Variants in PLA2G4A observed in about 807,000 individuals in gnomAD.
PLA2G4A encodes phospholipase A2 group IVA, also known as cytosolic phospholipase A2.
Under a neutral mutation model 81.9 loss-of-function variants are expected in PLA2G4A, and 40 were observed. The observed-to-expected ratio is 0.49, with a 90% CI of 0.38 to 0.64. PLA2G4A has a LOEUF of 0.64. PLA2G4A is among the 30% of genes least tolerant of loss of function. PLA2G4A has a pLI of 0.00. For synonymous variants in PLA2G4A, 302 were observed against 296.9 expected, an observed-to-expected ratio of 1.02 and a Z score of -0.18; for missense variants, 715 against 905.1, an observed-to-expected ratio of 0.79 and a Z score of 2.69.
intron 14 of PLA2G4A, among the ~76,000 whole-genome samples, chr1:186,964,514 A>T (rs1657066739): frequency 6.6e-6 from 1 of 151,790 alleles, no homozygotes; most frequent in African/African-American, 2.4e-5. Context: ...CCCTTGCTCT[A>T]GCTCCTCCCT....
At chr1:186,979,943 C>CTTTTTTTTTTTTT (rs34029312) in intron 17 of PLA2G4A, among the ~76,000 whole-genome samples, 1 of 98,794 alleles carries the variant, frequency 1.0e-5, no homozygotes, top group African/African-American at 3.5e-5. Context: ...ACAGCATTTC[C>CTTTTTTTTTTTTT]TTTTTTTTTT....
intron 1 of PLA2G4A, among the ~76,000 whole-genome samples, chr1:186,829,673 T>C (rs911241248): frequency 2.0e-5 from 3 of 152,140 alleles, no homozygotes; most frequent in African/African-American, 7.2e-5. Flanking sequence ...AAAGATTTGA[T>C]CAAATTACAT....
intron 2 of PLA2G4A, among the ~76,000 whole-genome samples, chr1:186,868,223 C>T (rs959085957): frequency 6.6e-6 from 1 of 151,710 alleles, no homozygotes; most frequent in African/African-American, 2.4e-5. Context: ...TACAGGCACA[C>T]ACCACCATGC....
chr1:186,875,860 T>A (rs1473412616), intron 3 of PLA2G4A, among the ~76,000 whole-genome samples: 4 of 152,120 alleles, frequency 2.6e-5, no homozygotes, highest in African/African-American at 4.8e-5. Flanking sequence ...GAAGTTTAGG[T>A]AAATCCTTGC....
At chr1:186,970,389 G>A (rs1353862851) in intron 15 of PLA2G4A, among the ~76,000 whole-genome samples, 1 of 151,920 alleles carries the variant, frequency 6.6e-6, no homozygotes, top group East Asian at 1.9e-4. Flanking sequence ...TTCTTTTGCT[G>A]TGCAGAAGCT....
At chr1:186,839,477 T>C (rs1251860415) in intron 1 of PLA2G4A, among the ~76,000 whole-genome samples, 1 of 152,210 alleles carries the variant, frequency 6.6e-6, no homozygotes, top group Admixed American at 6.5e-5. Flanking sequence ...GAGTATAACA[T>C]TGTTTTTGTT....
intron 12 of PLA2G4A, among the ~76,000 whole-genome samples, chr1:186,949,227 T>G (rs1656446459): frequency 6.7e-6 from 1 of 149,112 alleles, no homozygotes; most frequent in South Asian, 2.1e-4. Context: ...ACTATTTTCT[T>G]AAACTATCAT....
Position 186,887,405 on chromosome 1 carries a change from G to A in PLA2G4A, c.116-5606G>A, listed in dbSNP as rs193141712. Among the ~76,000 whole-genome samples, 158 of 152,208 alleles carry A rather than the reference G, an allele frequency of 1.0e-3. 2 individuals are homozygous for A. The highest frequency in any genetic ancestry group is 3.4e-3 in the African/African-American group (143 of 41,540). On this transcript the variant is annotated intron_variant, in intron 3 of 17. Transcript: ENST00000367466. ...GGGTCTGTTATGACTTCAGGCAGGC[G>A]CTCCTTAAACTCCTGAAGTTTAGTA...
Position 186,869,098 on chromosome 1 carries a change from G to A in PLA2G4A, c.34-1337G>A, listed in dbSNP as rs1243858780. Among the ~76,000 whole-genome samples the A allele has an allele frequency of 4.6e-5, 7 of 151,348 alleles. No individual in the cohort carries two copies. In the East Asian group the frequency reaches 1.4e-3, roughly 29 times the overall value. ...GATTTAATTTGCTCTTTTTTTTCCA[G>A]TACCCTAAGGTGGTAACTTAGATTA... On this transcript the variant is annotated intron_variant, in intron 2 of 17. Transcript: ENST00000367466.
chr1:186,942,563 T>A (rs1656190612), intron 10 of PLA2G4A, among the ~76,000 whole-genome samples: 1 of 152,118 alleles, frequency 6.6e-6, no homozygotes, highest in African/African-American at 2.4e-5. Context: ...GACTGAAAAC[T>A]ATAAAGAGGC....
At position 186,942,699 on chromosome 1, in the gene PLA2G4A, A is replaced by G. The variant is rs139205855; in HGVS notation, c.1033+2605A>G. Among the ~76,000 whole-genome samples the G allele has an allele frequency of 6.6e-4, 101 of 152,342 alleles. 2 individuals are homozygous for G. Among genetic ancestry groups the G allele is most frequent in the African/African-American group, 2.3e-3 (94 of 41,592 alleles). On this transcript the variant is annotated intron_variant, in intron 10 of 17. Coordinates refer to ENST00000367466, the MANE Select transcript of PLA2G4A (RefSeq NM_024420.3). ...AAAACTTAACTAAAATAATTAAAGA[A>G]TAAATAATATTTGGGTGAGTGGATA... is the stretch of plus-strand genomic sequence containing the variant.
chr1:186,857,055 T>TTGCTGGATGATCTG (rs1367654873), intron 2 of PLA2G4A, among the ~76,000 whole-genome samples: 8 of 49,578 alleles, frequency 1.6e-4, no homozygotes, highest in Admixed American at 3.4e-4. Context: ...CACATGTGTC[T>TTGCTGGATGATCTG]GCCATGCAGC....
intron 7 of PLA2G4A, among the ~76,000 whole-genome samples, chr1:186,924,984 G>C (rs1450628434): frequency 6.6e-6 from 1 of 151,940 alleles, no homozygotes; most frequent in East Asian, 2.0e-4. Flanking sequence ...GGAAGTAGAG[G>C]CTGCGGTGAG....
chr1:186,871,912 A>C (rs1422447461), intron 3 of PLA2G4A, among the ~76,000 whole-genome samples: 1 of 152,154 alleles, frequency 6.6e-6, no homozygotes, highest in Non-Finnish European at 1.5e-5. Context: ...AATGGCAATG[A>C]AAATGCCAGT....
intron 17 of PLA2G4A, among the ~76,000 whole-genome samples, chr1:186,981,709 T>G (rs1003799556): frequency 1.3e-5 from 2 of 152,134 alleles, no homozygotes; most frequent in Admixed American, 6.5e-5. Context: ...TCTGTAACCA[T>G]TAACTAGTAA....
At chr1:186,901,725 A>G (rs1654546771) in intron 5 of PLA2G4A, among the ~76,000 whole-genome samples, 1 of 152,214 alleles carries the variant, frequency 6.6e-6, no homozygotes. Context: ...ATTAAGGAAC[A>G]TGAGATTATC....
intron 1 of PLA2G4A, among the ~76,000 whole-genome samples, chr1:186,841,400 C>T (rs1056485836): frequency 1.3e-5 from 2 of 151,996 alleles, no homozygotes; most frequent in African/African-American, 4.8e-5. Context: ...TTAATTTTGG[C>T]TATATTTCCT....
chr1:186,915,934 T>A (rs1432727746), intron 7 of PLA2G4A, among the ~76,000 whole-genome samples: 2 of 152,126 alleles, frequency 1.3e-5, no homozygotes, highest in Non-Finnish European at 2.9e-5. Flanking sequence ...GTAATTCTTT[T>A]GAGCCAGGAA....
chr1:186,948,369 C>T (rs1032879432), intron 12 of PLA2G4A, among the ~76,000 whole-genome samples: 3 of 152,104 alleles, frequency 2.0e-5, no homozygotes, highest in Non-Finnish European at 4.4e-5. Context: ...GGCACATTCT[C>T]CTAAGAGTAA....
Sources: gnomAD v4.1 joint callset for allele counts (sites outside exome capture counted in the v4.1 genomes callset) on GRCh38, gnomAD v4.1.1 for gene constraint, MANE v1.5 for transcripts, NCBI Gene and HGNC (gene_info 2026-07-23, HGNC 2026-07-21) for gene names.